CHD3: variants seen among roughly 807,000 people sequenced by gnomAD.
CHD3 encodes the protein chromodomain helicase DNA binding protein 3.
CHD3 carries 52 observed loss-of-function variants against 248.9 expected under a neutral mutation model. The observed-to-expected ratio is 0.21, with a 90% confidence interval of 0.17 to 0.26. The LOEUF is 0.26. Among genes scored for constraint, CHD3 ranks in the 10% least tolerant of loss-of-function variants. CHD3 has a pLI of 1.00. For synonymous variants in CHD3, 985 were observed against 985.2 expected, an observed-to-expected ratio of 1.00 and a Z score of 0.00; for missense variants, 1,482 against 2,605.8, an observed-to-expected ratio of 0.57 and a Z score of 9.39.
At position 7,907,217 on chromosome 17, in the gene CHD3, C is replaced by G; in HGVS notation, c.4758C>G (p.Asn1586Lys). ...ACCAGGAGGAAAAGCCAGAGAAGAA[C>G]AGCAGAATTGGGGAGAAGATGGAGA... ...AENQEEKPEK[N>K]SRIGEKMETE... Residue 1586 changes from asparagine to lysine, a missense_variant, in exon 31 of 40, where the codon AAC becomes AAG. Transcript: ENST00000330494. The surrounding 1 kb of genome is among the most constrained non-coding windows in gnomAD (Gnocchi z 4.3). 1.2e-6 allele frequency: 2 copies of G among 1,614,238 alleles called. No homozygotes were observed. The highest frequency in any genetic ancestry group is 2.2e-5 in the East Asian group (1 of 44,890).
rs368591051 is a variant in CHD3, at chr17:7,907,591, C to A, written c.4925-10C>A. 4.0e-6 allele frequency: 6 copies of A among 1,509,284 alleles called. No homozygotes were observed. Among genetic ancestry groups the A allele is most frequent in the Admixed American group, 5.0e-5 (2 of 39,860 alleles). 93.5% of individuals were successfully genotyped at this position (1,509,284 alleles called of 1,614,324 possible). A position where few individuals can be genotyped will look rare whatever the true frequency, so the allele number is the denominator to read the frequency against. On this transcript the variant is annotated splice_polypyrimidine_tract_variant and intron_variant, in intron 32 of 39. Transcript: ENST00000330494. This position sits in a 1 kb window ranked among gnomAD's most constrained non-coding sequence, Gnocchi z 4.3. ...CATCCTCCCTTCCTATCCCCTACCC[C>A]CTCCCACAGCCACAGAGTCGACGCC...
chr17:7,890,166 C>T (rs529473678), intron 2 of CHD3, among the ~76,000 whole-genome samples: 2 of 152,206 alleles, frequency 1.3e-5, no homozygotes, highest in Non-Finnish European at 2.9e-5. Flanking sequence ...TGCAGTGGCT[C>T]ACGCCTGTAA....
chr17:7,885,775 G>A (rs1967824472), upstream of CHD3, among the ~76,000 whole-genome samples: 1 of 152,204 alleles, frequency 6.6e-6, no homozygotes, highest in Non-Finnish European at 1.5e-5. Flanking sequence ...TGGCACGCGA[G>A]GGAGGGGTCT....
At chr17:7,885,931 A>C (rs1567826650), upstream of CHD3, among the ~76,000 whole-genome samples, 1 of 152,146 alleles carries the variant, frequency 6.6e-6, no homozygotes. Context: ...GGGAGCGGAG[A>C]GAAGAGTGTC....
rs756884528 is a variant in CHD3 at position 7,910,036 on chromosome 17, CCTGA to C, written c.5591-389_5591-386del. 15 of 317,898 alleles carry C rather than the reference CCTGA, an allele frequency of 4.7e-5. No homozygotes were observed. Among genetic ancestry groups the C allele is most frequent in the African/African-American group, 4.4e-5 (2 of 45,280 alleles). 19.7% of individuals were successfully genotyped at this position (317,898 alleles called of 1,614,324 possible). The stretch of plus-strand genomic sequence containing the variant: ...TTGACACTTACCACCTCCCATGCCT[CCTGA>C]CTATTTCCTCCCCATCATCCCCAAC... On this transcript the variant is annotated intron_variant, in intron 37 of 39. Transcript: ENST00000330494. The surrounding 1 kb of genome is among the most constrained non-coding windows in gnomAD (Gnocchi z 4.7).
In CHD3 at chr17:7,899,931, A is replaced by G. The variant is rs1186940560; in HGVS notation, c.2580A>G (p.Thr860=). Residue 860 remains threonine (T), a synonymous_variant, in exon 16 of 40, where the codon ACA becomes ACG. Transcript: ENST00000330494. The surrounding 1 kb of genome is among the most constrained non-coding windows in gnomAD (Gnocchi z 6.8). Reference sequence around the variant, plus strand: ...AGGTGAAGTTCCATGTTCTCCTGACATCGTATGAGCTGATCACCATTGATC... The same window carrying G: ...AGGTGAAGTTCCATGTTCTCCTGACGTCGTATGAGCTGATCACCATTGATC... ...EAQVKFHVLL[T]SYELITIDQA... The G allele has an allele frequency of 4.3e-6, 7 of 1,613,802 alleles. No homozygotes were observed. Among genetic ancestry groups the G allele is most frequent in the Non-Finnish European group, 5.1e-6 (6 of 1,179,922 alleles).
chr17:7,890,585 AT>A lies in CHD3; in HGVS notation c.231del (p.Phe77LeufsTer64). 1.3e-6 allele frequency: 2 copies of A among 1,587,954 alleles called. No homozygotes were observed. Among genetic ancestry groups the A allele is most frequent in the Non-Finnish European group, 1.7e-6 (2 of 1,171,756 alleles). On this transcript the variant is annotated frameshift_variant, in exon 3 of 40. Coordinates refer to ENST00000330494, the MANE Select transcript of CHD3 (RefSeq NM_001005273.3). LOFTEE classifies it high-confidence loss of function. Reference sequence around the variant, plus strand: ...CTTTCTCTTAGGACAGTGAGGAGGAATTTGGTTCTGAGCGAGATGAGTACCG... The same window carrying A: ...CTTTCTCTTAGGACAGTGAGGAGGAATTGGTTCTGAGCGAGATGAGTACCG... ...KRKKRDSEEE[F>X]GSERDEYREK...
Position 7,905,728 on chromosome 17 carries a change from C to A in CHD3, c.4224+22C>A. On this transcript the variant is annotated intron_variant, in intron 27 of 39. Coordinates refer to ENST00000330494, the MANE Select transcript of CHD3 (RefSeq NM_001005273.3). This position sits in a 1 kb window ranked among gnomAD's most constrained non-coding sequence, Gnocchi z 5.8. ...TGAGGTGAGAGCTGGGCCCAGTGTTCCTGAGTTCTCCAAGAGGGCATGAGG... is the reference window on the plus strand; with the variant it reads ...TGAGGTGAGAGCTGGGCCCAGTGTTACTGAGTTCTCCAAGAGGGCATGAGG... 2 of 1,612,632 alleles carry A rather than the reference C, an allele frequency of 1.2e-6. No homozygotes were observed. Among genetic ancestry groups the A allele is most frequent in the Non-Finnish European group, 1.7e-6 (2 of 1,179,004 alleles).
Position 7,903,185 on chromosome 17 carries a change from G to A in CHD3, c.3496-87G>A, listed in dbSNP as rs1005506261. 1.3e-6 allele frequency: 2 copies of A among 1,566,618 alleles called. No individual in the cohort carries two copies. The highest frequency in any genetic ancestry group is 1.7e-5 in the Admixed American group (1 of 59,062). ...TGGGAGGAGAGAAGGCCCTTCTTCA[G>A]CAGCCTTCTTTCCTGAGGCAGCTCT... On this transcript the variant is annotated intron_variant, in intron 22 of 39. Coordinates refer to ENST00000330494, the MANE Select transcript of CHD3 (RefSeq NM_001005273.3). This position sits in a 1 kb window ranked among gnomAD's most constrained non-coding sequence, Gnocchi z 6.8.
At chr17:7,902,798 G>A in intron 21 of CHD3, 71 bp downstream of exon 21, 2 of 1,588,460 alleles carry the variant, frequency 1.3e-6, no homozygotes, top group East Asian at 2.3e-5. Context: ...CCTGGGATGG[G>A]AGGGGGACTG....
In CHD3 at chr17:7,910,015, C is replaced by A. The variant is rs1971452364; in HGVS notation, c.5591-413C>A. ...AAACCGTGATTCCTTAAAGCTTTGA[C>A]ACTTACCACCTCCCATGCCTCCTGA... is the stretch of plus-strand genomic sequence containing the variant. On this transcript the variant is annotated intron_variant, in intron 37 of 39. Transcript: ENST00000330494. The surrounding 1 kb of genome is among the most constrained non-coding windows in gnomAD (Gnocchi z 4.7). The A allele has an allele frequency of 3.4e-6, 1 of 293,992 alleles. No individual in the cohort carries two copies. The highest frequency in any genetic ancestry group is 6.6e-6 in the Non-Finnish European group (1 of 152,434). 18.2% of individuals were successfully genotyped at this position (293,992 alleles called of 1,614,324 possible).
At position 7,903,123 on chromosome 17, in the gene CHD3, AGGGTGTCATGTTCCGG is replaced by A; in HGVS notation, c.3495+65_3495+80del. ...GCAAGGAGATGTGGGTTCATGGAGG[AGGGTGTCATGTTCCGG>A]GGTCAGAAATAAATCTCTTCTGGGA... On this transcript the variant is annotated intron_variant, in intron 22 of 39. Transcript: ENST00000330494. This position sits in a 1 kb window ranked among gnomAD's most constrained non-coding sequence, Gnocchi z 6.8. 6.3e-7 allele frequency: 1 copy of A among 1,590,720 alleles called. No homozygotes were observed.
Position 7,907,380 on chromosome 17 carries a change from C to A in CHD3, c.4816C>A (p.Leu1606Ile). Residue 1606 changes from leucine (L) to isoleucine (I), a missense_variant, in exon 32 of 40, where the codon CTT becomes ATT. Leu to Ile is a conservative substitution (Grantham distance 5). Around this residue, in one of 20 missense-constraint regions of CHD3, gnomAD observed 254 missense variants for 266.7 expected, o/e 0.95. Coordinates refer to ENST00000330494, the MANE Select transcript of CHD3 (RefSeq NM_001005273.3). This position sits in a 1 kb window ranked among gnomAD's most constrained non-coding sequence, Gnocchi z 4.3. Reference protein sequence around the residue: ...EADAPSPAPSLGERLEPRKIP... With the variant: ...EADAPSPAPSIGERLEPRKIP... Reference sequence around the variant, plus strand: ...TGATGCCCCCAGCCCAGCCCCATCACTTGGGGAGCGGCTGGAGCCAAGGAA... The same window carrying A: ...TGATGCCCCCAGCCCAGCCCCATCAATTGGGGAGCGGCTGGAGCCAAGGAA... 1 of 1,607,998 alleles carries A rather than the reference C, an allele frequency of 6.2e-7. No homozygotes were observed. The highest frequency in any genetic ancestry group is 1.1e-5 in the South Asian group (1 of 90,016).
intron 13 of CHD3, 53 bp downstream of exon 13, chr17:7,898,648 T>G: frequency 7.1e-7 from 1 of 1,399,700 alleles, no homozygotes; most frequent in Non-Finnish European, 1.0e-6. Flanking sequence ...TGATCGAAGA[T>G]TTTCCAAGGG....
chr17:7,907,954 G>A lies in CHD3; in HGVS notation c.5087G>A (p.Gly1696Glu), dbSNP rs1426884513. The A allele has an allele frequency of 5.0e-6, 8 of 1,613,052 alleles. No homozygotes were observed. Among genetic ancestry groups the A allele is most frequent in the East Asian group, 2.2e-5 (1 of 44,822 alleles). Reference sequence around the variant, plus strand: ...CCTCGAGATGAGCCACGGTCCAATGGGCGACGAGAGGAAAAGACAGAGAAG... The same window carrying A: ...CCTCGAGATGAGCCACGGTCCAATGAGCGACGAGAGGAAAAGACAGAGAAG... The part of the protein sequence containing the change: ...PGPRDEPRSN[G>E]RREEKTEKPR... Residue 1696 changes from glycine to glutamate, a missense_variant, in exon 34 of 40, where the codon GGG becomes GAG. Physicochemically the swap from Gly to Glu is moderately conservative, Grantham distance 98 (BLOSUM62 -2). Transcript: ENST00000330494. The surrounding 1 kb of genome is among the most constrained non-coding windows in gnomAD (Gnocchi z 4.3).
Position 7,895,595 on chromosome 17 carries a change from T to G in CHD3, c.1707+53T>G. Reference sequence around the variant, plus strand: ...CCCATGACCTCATTTCCTGCCATCCTCTCCCTCTCTTACTCCTCTGTTTGT... The same window carrying G: ...CCCATGACCTCATTTCCTGCCATCCGCTCCCTCTCTTACTCCTCTGTTTGT... On this transcript the variant is annotated intron_variant, in intron 10 of 39. Transcript: ENST00000330494. This position sits in a 1 kb window ranked among gnomAD's most constrained non-coding sequence, Gnocchi z 4.9. 6.8e-7 allele frequency: 1 copy of G among 1,475,536 alleles called. No homozygotes were observed. The allele number at this position is 1,475,536 out of a possible 1,614,324, so 91.4% of individuals were successfully genotyped here. A position where few individuals can be genotyped will look rare whatever the true frequency, so the allele number is the denominator to read the frequency against.
Position 7,895,974 on chromosome 17 carries a change from C to G in CHD3, c.1707+432C>G, listed in dbSNP as rs1005752481. Among the ~76,000 whole-genome samples the G allele has an allele frequency of 2.6e-5, 4 of 151,964 alleles. No individual in the cohort carries two copies. Among genetic ancestry groups the G allele is most frequent in the Admixed American group, 2.6e-4 (4 of 15,260 alleles). On this transcript the variant is annotated intron_variant, in intron 10 of 39. Coordinates refer to ENST00000330494, the MANE Select transcript of CHD3 (RefSeq NM_001005273.3). The surrounding 1 kb of genome is among the most constrained non-coding windows in gnomAD (Gnocchi z 4.9). ...GGTGTGGTGGCTCACGCCTGTAATC[C>G]CAGTACTTTGGGAGGCCGAGGTGGG... is the stretch of plus-strand genomic sequence containing the variant.
In CHD3 at chr17:7,911,584, G is replaced by T; in HGVS notation, c.6002G>T (p.Ter2001LeuextTer250). The T allele has an allele frequency of 6.2e-7, 1 of 1,613,992 alleles. No homozygotes were observed. Among genetic ancestry groups the T allele is most frequent in the South Asian group, 1.1e-5 (1 of 91,048 alleles). The change falls in exon 40 of 40, where the codon TGA becomes TTA. Residue 2001 changes from the stop codon to leucine, a stop_lost. Coordinates refer to ENST00000330494, the MANE Select transcript of CHD3 (RefSeq NM_001005273.3). The surrounding 1 kb of genome is among the most constrained non-coding windows in gnomAD (Gnocchi z 5.4). ...RAGEVICIDD[*>L] ...GGGGAGGTGATCTGTATAGACGACT[G>T]ACTGGATCCCAGGCCTGCCCTTCAC...
Position 7,906,891 on chromosome 17 carries a change from A to G in CHD3, c.4526A>G (p.Asn1509Ser), listed in dbSNP as rs147395786. 6 of 1,613,994 alleles carry G rather than the reference A, an allele frequency of 3.7e-6. No individual in the cohort carries two copies. Among genetic ancestry groups the G allele is most frequent in the Non-Finnish European group, 4.2e-6 (5 of 1,180,026 alleles). Residue 1509 changes from asparagine to serine, a missense_variant, in exon 30 of 40, where the codon AAT becomes AGT. By Grantham distance (46) the Asn-to-Ser change is conservative (BLOSUM62 1). Transcript: ENST00000330494. This position sits in a 1 kb window ranked among gnomAD's most constrained non-coding sequence, Gnocchi z 5.0. ...KKKVQEFEHI[N>S]GRWSMPELMP... ...CAGGTGCAGGAGTTTGAGCACATCA[A>G]TGGGCGTTGGTCAATGCCGGAACTG...
Sources: gnomAD v4.1 joint callset for allele counts (sites outside exome capture counted in the v4.1 genomes callset) on GRCh38, gnomAD v4.1.1 for gene constraint, gnomAD v4.1.1 regional missense constraint, Gnocchi (gnomAD v3.1) non-coding constraint, MANE v1.5 for transcripts, NCBI Gene and HGNC (gene_info 2026-07-23, HGNC 2026-07-21) for gene names.